The following DAZAP2 variants were observed in gnomAD, a reference collection of about 807,000 sequenced individuals.
The protein encoded by DAZAP2 is DAZ-associated protein 2.
DAZAP2 carries 3 observed loss-of-function variants against 16.2 expected under a neutral mutation model. The observed-to-expected ratio is 0.19, with a 90% confidence interval of 0.08 to 0.48. DAZAP2 has a LOEUF of 0.48. Among genes scored for constraint, DAZAP2 ranks in the 20% least tolerant of loss-of-function variants. DAZAP2 has a pLI of 0.98. For synonymous variants in DAZAP2, 69 were observed against 77.6 expected (o/e 0.89, Z 0.58); for missense variants, 172 against 215.9 (o/e 0.80, Z 1.27).
In DAZAP2 at chr12:51,240,959, T is replaced by A; in HGVS notation, c.221T>A (p.Met74Lys). 1 of 1,614,220 alleles carries A rather than the reference T, an allele frequency of 6.2e-7. No individual in the cohort carries two copies. The highest frequency in any genetic ancestry group is 8.5e-7 in the Non-Finnish European group (1 of 1,180,054). ...AFPGASLYLP[M>K]AQSVAVGPLG... ...CCTGGAGCCTCTCTGTATCTTCCCA[T>A]GGCCCAGTCTGTGGCTGTTGGGCCT... The change falls in exon 3 of 4, where the codon ATG becomes AAG. Residue 74 changes from methionine to lysine, a missense_variant. Coordinates refer to ENST00000412716, the MANE Select transcript of DAZAP2 (RefSeq NM_014764.4).
chr12:51,240,147 T>C (rs541295902), intron 1 of DAZAP2, 196 bp from the exon 2 acceptor site: 3 of 587,440 alleles, frequency 5.1e-6, no homozygotes, highest in Admixed American at 3.0e-5. Flanking sequence ...TCTTGTCTCG[T>C]TAGAATCCAG....
In DAZAP2 at chr12:51,240,917, C is replaced by A. The variant is rs1239091837; in HGVS notation, c.179C>A (p.Thr60Asn). 1 of 1,614,232 alleles carries A rather than the reference C, an allele frequency of 6.2e-7. No individual in the cohort carries two copies. The highest frequency in any genetic ancestry group is 8.5e-7 in the Non-Finnish European group (1 of 1,180,038). The change falls in exon 3 of 4, where the codon ACC becomes AAC. Residue 60 changes from threonine to asparagine, a missense_variant. Coordinates refer to ENST00000412716, the MANE Select transcript of DAZAP2 (RefSeq NM_014764.4). ...FVHPGAATVP[T>N]MSAAFPGASL... is the part of the protein sequence containing the mutation. ...CACCCAGGGGCTGCCACAGTCCCCA[C>A]CATGTCAGCCGCATTTCCTGGAGCC...
At chr12:51,242,215 T>G in intron 3 of DAZAP2, 115 bp from the exon 4 acceptor site, 1 of 1,435,768 alleles carries the variant, frequency 7.0e-7, no homozygotes, top group Non-Finnish European at 9.3e-7. Flanking sequence ...AACTAGCTCC[T>G]TAAAACGCAG....
At chr12:51,246,641 A>G (rs1944776262), downstream of DAZAP2, 1 of 389,596 alleles carries the variant, frequency 2.6e-6, no homozygotes, top group East Asian at 5.6e-5. Context: ...TGTGTGTGTA[A>G]TATAACTTAC....
At chr12:51,241,750 G>A (rs1309985065) in intron 3 of DAZAP2, among the ~76,000 whole-genome samples, 13 of 151,946 alleles carry the variant, frequency 8.6e-5, no homozygotes, top group African/African-American at 2.9e-4. Flanking sequence ...GTGAAACCCC[G>A]ACTCTACTAT....
Position 51,242,894 on chromosome 12 carries a change from A to C in DAZAP2, c.*436A>C. ...GATATATATTACTTGTTATAAATGG[A>C]ACGCATTAGTTGTCTGCCTTTTCCT... is the stretch of plus-strand genomic sequence containing the variant. On this transcript the variant is annotated 3_prime_UTR_variant, in exon 4 of 4. Coordinates refer to ENST00000412716, the MANE Select transcript of DAZAP2 (RefSeq NM_014764.4). 1 of 1,240,044 alleles carries C rather than the reference A, an allele frequency of 8.1e-7. No homozygotes were observed. Among genetic ancestry groups the C allele is most frequent in the Non-Finnish European group, 1.0e-6 (1 of 989,758 alleles). 76.8% of individuals were successfully genotyped at this position (1,240,044 alleles called of 1,614,324 possible). A position where few individuals can be genotyped will look rare whatever the true frequency, so the allele number is the denominator to read the frequency against.
intron 1 of DAZAP2, 61 bp from the exon 2 acceptor site, chr12:51,240,282 A>G (rs942069733): frequency 1.5e-6 from 2 of 1,354,430 alleles, no homozygotes; most frequent in Non-Finnish European, 2.1e-6. Context: ...ACCCGATATG[A>G]CCTGCCTCAT....
rs1944650655 is a variant in DAZAP2 at position 51,240,323 on chromosome 12, A to G, written c.14-20A>G. The G allele has an allele frequency of 6.2e-7, 1 of 1,604,442 alleles. No homozygotes were observed. Among genetic ancestry groups the G allele is most frequent in the Non-Finnish European group, 8.5e-7 (1 of 1,171,522 alleles). Reference sequence around the variant, plus strand: ...TAGCTCTGTGTAGTAGGCAACCTTCATTTTTTTCTTGTCTTTCAGGTCAAT... The same window carrying G: ...TAGCTCTGTGTAGTAGGCAACCTTCGTTTTTTTCTTGTCTTTCAGGTCAAT... On this transcript the variant is annotated intron_variant, in intron 1 of 3. Coordinates refer to ENST00000412716, the MANE Select transcript of DAZAP2 (RefSeq NM_014764.4).
chr12:51,242,730 C>A lies in DAZAP2; in HGVS notation c.*272C>A. The stretch of plus-strand genomic sequence containing the variant: ...CGCCCTAAGGATTTTCCTTTAATTT[C>A]TCTGGAGTAATACTGTACCATACTG... On this transcript the variant is annotated 3_prime_UTR_variant, in exon 4 of 4. Coordinates refer to ENST00000412716, the MANE Select transcript of DAZAP2 (RefSeq NM_014764.4). 6.8e-7 allele frequency: 1 copy of A among 1,465,938 alleles called. No homozygotes were observed. Among genetic ancestry groups the A allele is most frequent in the Non-Finnish European group, 9.0e-7 (1 of 1,113,272 alleles). 90.8% of individuals were successfully genotyped at this position (1,465,938 alleles called of 1,614,324 possible).
Position 51,243,661 on chromosome 12 carries a change from T to C in DAZAP2, c.*1203T>C, listed in dbSNP as rs895869830. 45 of 985,742 alleles carry C rather than the reference T, an allele frequency of 4.6e-5. No homozygotes were observed. Among genetic ancestry groups the C allele is most frequent in the African/African-American group, 5.2e-5 (3 of 57,246 alleles). The allele number at this position is 985,742 out of a possible 1,614,324, so 61.1% of individuals were successfully genotyped here. A position where few individuals can be genotyped will look rare whatever the true frequency, so the allele number is the denominator to read the frequency against. On this transcript the variant is annotated 3_prime_UTR_variant, in exon 4 of 4. Coordinates refer to ENST00000412716, the MANE Select transcript of DAZAP2 (RefSeq NM_014764.4). Reference sequence around the variant, plus strand: ...TGTTTGACTGTACCATTGACTGTTATGGAAGTTCAGCGTTGTATGTCTCTC... The same window carrying C: ...TGTTTGACTGTACCATTGACTGTTACGGAAGTTCAGCGTTGTATGTCTCTC...
rs371335515 is a variant in DAZAP2 at position 51,238,870 on chromosome 12, C to T, written c.-38C>T. 3.3e-5 allele frequency: 54 copies of T among 1,612,904 alleles called. No individual in the cohort carries two copies. The highest frequency in any genetic ancestry group is 1.6e-4 in the Middle Eastern group (1 of 6,062). On this transcript the variant is annotated 5_prime_UTR_variant, in exon 1 of 4. Coordinates refer to ENST00000412716, the MANE Select transcript of DAZAP2 (RefSeq NM_014764.4). ...ACAGGAAGAGGACGAAAAAAATAAC[C>T]GTCCGCGACGCCGAGACAAACCGGA... is the stretch of plus-strand genomic sequence containing the variant.
chr12:51,246,710 T>A, downstream of DAZAP2: 2 of 1,459,156 alleles, frequency 1.4e-6, no homozygotes, highest in South Asian at 1.4e-5. Flanking sequence ...GAGATGCCCT[T>A]GATCCAGAAG....
chr12:51,239,507 G>C (rs1169717349), intron 1 of DAZAP2: 1 of 149,482 alleles, frequency 6.7e-6, no homozygotes, highest in Non-Finnish European at 1.5e-5. Flanking sequence ...GGCCGAGCGA[G>C]GTTGCTCACG....
At chr12:51,239,397 T>C in intron 1 of DAZAP2, 1 of 161,170 alleles carries the variant, frequency 6.2e-6, no homozygotes, top group Admixed American at 6.1e-5. Context: ...ACTTCTCCCC[T>C]TTTCTGTGGT....
Position 51,238,906 on chromosome 12 carries a change from C to T in DAZAP2, c.-2C>T. The stretch of plus-strand genomic sequence containing the variant: ...CCGAGACAAACCGGACCCGCAACCA[C>T]CATGAACAGCAAAGGCAAGGACCGA... On this transcript the variant is annotated 5_prime_UTR_variant, in exon 1 of 4. Coordinates refer to ENST00000412716, the MANE Select transcript of DAZAP2 (RefSeq NM_014764.4). The T allele has an allele frequency of 6.2e-7, 1 of 1,613,562 alleles. No individual in the cohort carries two copies. Among genetic ancestry groups the T allele is most frequent in the East Asian group, 2.2e-5 (1 of 44,856 alleles).
rs1944664059 is a variant in DAZAP2, at chr12:51,240,927, C to T, written c.189C>T (p.Ala63=). The change falls in exon 3 of 4, where the codon GCC becomes GCT. Residue 63 remains alanine (A), a synonymous_variant. Transcript: ENST00000412716. ...PGAATVPTMS[A]AFPGASLYLP... ...CTGCCACAGTCCCCACCATGTCAGC[C>T]GCATTTCCTGGAGCCTCTCTGTATC... The T allele has an allele frequency of 1.9e-6, 3 of 1,614,210 alleles. No homozygotes were observed. Among genetic ancestry groups the T allele is most frequent in the South Asian group, 1.1e-5 (1 of 91,084 alleles).
chr12:51,243,105 G>A lies in DAZAP2; in HGVS notation c.*647G>A. ...AAGGATCCTCTGAAACCCTCTCTGT[G>A]CCCCAAGTACAGATGCCATTACTTC... On this transcript the variant is annotated 3_prime_UTR_variant, in exon 4 of 4. Coordinates refer to ENST00000412716, the MANE Select transcript of DAZAP2 (RefSeq NM_014764.4). 1.0e-6 allele frequency: 1 copy of A among 988,396 alleles called. No individual in the cohort carries two copies. The highest frequency in any genetic ancestry group is 1.1e-4 in the East Asian group (1 of 8,848). The allele number at this position is 988,396 out of a possible 1,614,324, so 61.2% of individuals were successfully genotyped here. A position where few individuals can be genotyped will look rare whatever the true frequency, so the allele number is the denominator to read the frequency against.
At position 51,242,668 on chromosome 12, in the gene DAZAP2, G is replaced by T; in HGVS notation, c.*210G>T. The T allele has an allele frequency of 1.3e-6, 2 of 1,523,476 alleles. No individual in the cohort carries two copies. Among genetic ancestry groups the T allele is most frequent in the South Asian group, 2.5e-5 (2 of 79,950 alleles). The allele number at this position is 1,523,476 out of a possible 1,614,324, so 94.4% of individuals were successfully genotyped here. A position where few individuals can be genotyped will look rare whatever the true frequency, so the allele number is the denominator to read the frequency against. On this transcript the variant is annotated 3_prime_UTR_variant, in exon 4 of 4. Coordinates refer to ENST00000412716, the MANE Select transcript of DAZAP2 (RefSeq NM_014764.4). ...ACCTCCCTAAAGCATTTTGAGGTAG[G>T]GGAGGTATCCATTCATAAAATGAAT...
downstream of DAZAP2, chr12:51,245,817 T>C: frequency 2.6e-6 from 3 of 1,136,084 alleles, no homozygotes; most frequent in Non-Finnish European, 3.7e-6. Flanking sequence ...GCGACCTGGC[T>C]GGAGCTTGGA....
Sources: gnomAD v4.1 joint callset for allele counts (sites outside exome capture counted in the v4.1 genomes callset) on GRCh38, gnomAD v4.1.1 for gene constraint, MANE v1.5 for transcripts, NCBI Gene and HGNC (gene_info 2026-07-23, HGNC 2026-07-21) for gene names.